The following SH3TC1 variants were observed in gnomAD, a reference collection of about 807,000 sequenced individuals.
The protein encoded by SH3TC1 is SH3 domain and tetratricopeptide repeat-containing protein 1.
A neutral mutation model predicts 117.3 loss-of-function variants in SH3TC1; 135 were observed. The observed-to-expected ratio is 1.15, with a 90% CI of 1.00 to 1.33. The LOEUF (loss-of-function observed/expected upper bound fraction) is 1.33. SH3TC1 is among the 40% of genes most tolerant of loss of function. The pLI is 0.00. For missense variants in SH3TC1, 2,092 were observed against 1,794.3 expected (o/e 1.17, Z -3.00); for synonymous variants, 898 against 816.9 (o/e 1.10, Z -1.69).
rs1480379311 is a variant in SH3TC1, at chr4:8,205,276, A to T, written c.82A>T (p.Thr28Ser). Residue 28 changes from threonine to serine, a missense_variant, in exon 2 of 18, where the codon ACC becomes TCC. By Grantham distance (58) the Thr-to-Ser change is moderately conservative. Coordinates refer to ENST00000245105, the MANE Select transcript of SH3TC1 (RefSeq NM_018986.5). The surrounding 1 kb of genome is among the most constrained non-coding windows in gnomAD (Gnocchi z 5.4). ...GPVGPSGGGS[T>S]RDQVRTVVMR... is the part of the protein sequence containing the mutation. The stretch of plus-strand genomic sequence containing the variant: ...TGTGGGACCCTCAGGAGGTGGCAGC[A>T]CCCGGGACCAGGTCCGGACTGTGGT... 3.2e-6 allele frequency: 5 copies of T among 1,550,350 alleles called. No individual in the cohort carries two copies. Among genetic ancestry groups the T allele is most frequent in the African/African-American group, 2.7e-5 (2 of 73,028 alleles).
At chr4:8,229,667 T>C (rs1720944762) in intron 12 of SH3TC1, among the ~76,000 whole-genome samples, 1 of 151,680 alleles carries the variant, frequency 6.6e-6, no homozygotes, top group African/African-American at 2.4e-5. Flanking sequence ...GGCTTGGCCT[T>C]TTCCCTAAGG....
intron 12 of SH3TC1, chr4:8,229,033 C>T: frequency 9.7e-6 from 2 of 207,226 alleles, no homozygotes; most frequent in South Asian, 1.6e-4. Context: ...GTGCTTGTGC[C>T]CATGTTATCT....
At position 8,228,647 on chromosome 4, in the gene SH3TC1, G is replaced by A. The variant is rs1466076072; in HGVS notation, c.2950+3G>A. ...CGTGGAGATGGGCCACGTGGAGAGT[G>A]AGTGCCCCAGTTCCTTCTGTGTGCC... On this transcript the variant is annotated splice_donor_region_variant and intron_variant, in intron 12 of 17. Coordinates refer to ENST00000245105, the MANE Select transcript of SH3TC1 (RefSeq NM_018986.5). 2.0e-6 allele frequency: 3 copies of A among 1,483,052 alleles called. No homozygotes were observed. In the African/African-American group the frequency reaches 4.2e-5, roughly 21 times the overall value. 91.9% of individuals were successfully genotyped at this position (1,483,052 alleles called of 1,614,324 possible).
chr4:8,224,013 CTGTG>C (rs1720203759), intron 10 of SH3TC1, among the ~76,000 whole-genome samples: 1 of 149,144 alleles, frequency 6.7e-6, no homozygotes, highest in East Asian at 2.0e-4. Context: ...TAAATACACA[CTGTG>C]TGCATGCACA....
chr4:8,232,443 T>C, intron 13 of SH3TC1: 3 of 1,511,734 alleles, frequency 2.0e-6, no homozygotes, highest in African/African-American at 2.7e-5. Flanking sequence ...TTACATGCAT[T>C]CTGGGCTGTT....
intron 14 of SH3TC1, among the ~76,000 whole-genome samples, chr4:8,234,159 TCCTTCCA>T (rs1721564984): frequency 1.4e-5 from 1 of 71,036 alleles, no homozygotes; most frequent in African/African-American, 3.8e-5. Flanking sequence ...CATCCATCCA[TCCTTCCA>T]TCATCCATCC....
chr4:8,216,933 G>A, intron 6 of SH3TC1, 24 bp from the exon 7 acceptor site: 1 of 1,613,420 alleles, frequency 6.2e-7, no homozygotes, highest in South Asian at 1.1e-5. Context: ...GCCACCCTCA[G>A]TGACCACCTC....
In SH3TC1 at chr4:8,241,086, GT is replaced by G. The variant is rs61463958; in HGVS notation, c.*141del. ...GGCCAAATAGCAATAAATGGGTTTT[GT>G]TTTTTTTTTGCAATAACTTATTGAA... On this transcript the variant is annotated 3_prime_UTR_variant, in exon 18 of 18. Coordinates refer to ENST00000245105, the MANE Select transcript of SH3TC1 (RefSeq NM_018986.5). 2.6e-3 allele frequency: 2,813 copies of G among 1,091,066 alleles called. No homozygotes were observed. Among genetic ancestry groups the G allele is most frequent in the Middle Eastern group, 4.0e-3 (12 of 2,992 alleles). The allele number at this position is 1,091,066 out of a possible 1,614,324, so 67.6% of individuals were successfully genotyped here.
chr4:8,193,215 T>A (rs1180740008), intron 1 of SH3TC1, among the ~76,000 whole-genome samples: 2 of 152,224 alleles, frequency 1.3e-5, no homozygotes, highest in Admixed American at 6.5e-5. Context: ...CGCCTGTTTC[T>A]GCTGGACAGG....
At chr4:8,184,676 G>T (rs115459712) in intron 1 of SH3TC1, among the ~76,000 whole-genome samples, 1 of 152,294 alleles carries the variant, frequency 6.6e-6, no homozygotes, top group South Asian at 2.1e-4. Flanking sequence ...ACTGTGGCCG[G>T]CTGGAAAGCA....
chr4:8,182,301 C>T (rs1003644388), intron 1 of SH3TC1: 2 of 152,242 alleles, frequency 1.3e-5, no homozygotes, highest in African/African-American at 4.8e-5. Flanking sequence ...TGTCACCTGT[C>T]GAGACAGGTG....
intron 8 of SH3TC1, among the ~76,000 whole-genome samples, chr4:8,218,909 C>A (rs991923544): frequency 1.3e-5 from 2 of 151,992 alleles, no homozygotes; most frequent in Admixed American, 1.3e-4. Context: ...GTGCACCTGT[C>A]AGAGCTGCCG....
chr4:8,217,071 C>G lies in SH3TC1; in HGVS notation c.743C>G (p.Ala248Gly). Reference sequence around the variant, plus strand: ...GCTTCGGGGGCACCCCAGGGAGAGGCGGCCCCGGAAACAGACTCTTCACCG... The same window carrying G: ...GCTTCGGGGGCACCCCAGGGAGAGGGGGCCCCGGAAACAGACTCTTCACCG... ...RQASGAPQGE[A>G]APETDSSPPS... The change falls in exon 7 of 18, where the codon GCG (alanine) becomes GGG (glycine). Residue 248 changes from alanine (A) to glycine (G), a missense_variant. Transcript: ENST00000245105. 6.2e-7 allele frequency: 1 copy of G among 1,612,390 alleles called. No individual in the cohort carries two copies.
chr4:8,231,864 C>T, intron 12 of SH3TC1, 112 bp from the exon 13 acceptor site: 4 of 1,295,198 alleles, frequency 3.1e-6, no homozygotes, highest in Non-Finnish European at 4.3e-6. Context: ...GCCTGTGGGG[C>T]CCAGGCTCAC....
rs529580098 is a variant in SH3TC1 at position 8,192,072 on chromosome 4, C to G, written c.-57+9862C>G. On this transcript the variant is annotated intron_variant, in intron 1 of 16. Coordinates refer to the SH3TC1 transcript ENST00000508641. This position sits in a 1 kb window ranked among gnomAD's most constrained non-coding sequence, Gnocchi z 4.1. ...TGGCGCGATCTCGGCTCACTGCCAC[C>G]TCGGCCTCCCAGGTTCAAGTGATTC... 1.3e-5 allele frequency among the ~76,000 whole-genome samples: 2 copies of G among 152,148 alleles called. No homozygotes were observed. The highest frequency in any genetic ancestry group is 2.9e-5 in the Non-Finnish European group (2 of 68,000).
At chr4:8,218,160 G>A (rs1040369569) in intron 7 of SH3TC1, 111 bp from the exon 8 acceptor site, 21 of 662,354 alleles carry the variant, frequency 3.2e-5, no homozygotes, top group Non-Finnish European at 4.8e-5. Context: ...TGGGGGAGGC[G>A]AGGGACCTGC....
chr4:8,210,966 G>C lies in SH3TC1; in HGVS notation c.247+1144G>C, dbSNP rs1387476936. ...GCTTTAAGCTTATTCAAAGGTGTGAGAATCCATCTCTGTCTCTGTCTCATT... is the reference window on the plus strand; with the variant it reads ...GCTTTAAGCTTATTCAAAGGTGTGACAATCCATCTCTGTCTCTGTCTCATT... On this transcript the variant is annotated intron_variant, in intron 3 of 17. Transcript: ENST00000245105. This position sits in a 1 kb window ranked among gnomAD's most constrained non-coding sequence, Gnocchi z 4.1. Among the ~76,000 whole-genome samples the C allele has an allele frequency of 6.6e-6, 1 of 151,626 alleles. No individual in the cohort carries two copies. Among genetic ancestry groups the C allele is most frequent in the East Asian group, 1.9e-4 (1 of 5,178 alleles).
rs555298637 is a variant in SH3TC1 at position 8,212,350 on chromosome 4, G to A, written c.248-351G>A. Among the ~76,000 whole-genome samples the A allele has an allele frequency of 7.9e-5, 12 of 152,228 alleles. No homozygotes were observed. In the East Asian group the frequency reaches 1.9e-3, roughly 25 times the overall value. On this transcript the variant is annotated intron_variant, in intron 3 of 17. Transcript: ENST00000245105. ...ATGCAGCAACCCTCTGGGGCGGAGC[G>A]CTGAGGGGAGGGGTTGGAGGTCACG...
upstream of SH3TC1, among the ~76,000 whole-genome samples, chr4:8,197,273 T>C (rs1294370267): frequency 2.0e-5 from 3 of 152,150 alleles, no homozygotes; most frequent in Non-Finnish European, 2.9e-5. Flanking sequence ...GGAGGGAGCA[T>C]GGCCCTTCCG....
Sources: gnomAD v4.1 joint callset for allele counts (sites outside exome capture counted in the v4.1 genomes callset) on GRCh38, gnomAD v4.1.1 for gene constraint, Gnocchi (gnomAD v3.1) non-coding constraint, MANE v1.5 for transcripts, NCBI Gene and HGNC (gene_info 2026-07-23, HGNC 2026-07-21) for gene names.